Variants in SMARCC1 observed in about 807,000 individuals in gnomAD.
SMARCC1 encodes the protein SWI/SNF related BAF chromatin remodeling complex subunit C1, also known as SWI/SNF complex subunit SMARCC1.
SMARCC1 carries 43 observed loss-of-function variants against 147.4 expected under a neutral mutation model. That is an observed-to-expected ratio of 0.29 (90% confidence interval 0.23 to 0.38). SMARCC1 has a LOEUF of 0.38. Ranked by LOEUF, SMARCC1 falls within the 10% of genes least tolerant of loss-of-function variation. The pLI is 1.00. For missense variants in SMARCC1, 1,119 were observed against 1,381.1 expected, an observed-to-expected ratio of 0.81 and a Z score of 3.01; for synonymous variants, 495 against 484.4, an observed-to-expected ratio of 1.02 and a Z score of -0.29.
chr3:47,664,071 G>C (rs958347629), intron 19 of SMARCC1: 4 of 453,802 alleles, frequency 8.8e-6, no homozygotes, highest in Non-Finnish European at 1.5e-5. Context: ...GACCCTTTGC[G>C]TAACTGTAAC....
intron 1 of SMARCC1, among the ~76,000 whole-genome samples, chr3:47,773,790 C>G (rs776428668): frequency 2.6e-4 from 39 of 151,802 alleles, no homozygotes; most frequent in Non-Finnish European, 5.0e-4. Context: ...ACCACCATGC[C>G]CGGCTAATTT....
chr3:47,654,934 A>G (rs916339886), intron 21 of SMARCC1, among the ~76,000 whole-genome samples: 1 of 152,230 alleles, frequency 6.6e-6, no homozygotes, highest in African/African-American at 2.4e-5. Flanking sequence ...TTTGGTGAGG[A>G]CAAAGAAACC....
At chr3:47,712,097 T>A (rs890337541) in intron 8 of SMARCC1, among the ~76,000 whole-genome samples, 1 of 152,122 alleles carries the variant, frequency 6.6e-6, no homozygotes, top group Non-Finnish European at 1.5e-5. Context: ...GTTAAGGTGG[T>A]GGCACATGCC....
In SMARCC1 at chr3:47,781,873, C is replaced by A; in HGVS notation, c.-76G>T. ...TTTCCCGGTCGTTCCCGCGCGCACC[C>A]CCGCGCGCGTAGCCGCCACTGCCGC... On this transcript the variant is annotated 5_prime_UTR_variant, in exon 1 of 28. Transcript: ENST00000254480. 9.6e-7 allele frequency: 1 copy of A among 1,044,104 alleles called. No individual in the cohort carries two copies. The highest frequency in any genetic ancestry group is 3.2e-4 in the Middle Eastern group (1 of 3,120). The allele number at this position is 1,044,104 out of a possible 1,614,324, so 64.7% of individuals were successfully genotyped here. A position where few individuals can be genotyped will look rare whatever the true frequency, so the allele number is the denominator to read the frequency against.
intron 11 of SMARCC1, among the ~76,000 whole-genome samples, chr3:47,699,609 T>A (rs956093161): frequency 2.6e-5 from 4 of 152,066 alleles, no homozygotes; most frequent in Admixed American, 2.6e-4. Flanking sequence ...TGTATATTGC[T>A]CTATATGTCT....
rs191409474 is a variant in SMARCC1, at chr3:47,764,978, G to A, written c.315+7839C>T. On this transcript the variant is annotated intron_variant, in intron 2 of 27. Transcript: ENST00000254480. ...ATAAAGAAAAGCAAGGAGGCCAGGC[G>A]CGGTGGCTCACGCCTGTAATCCCAG... Among the ~76,000 whole-genome samples the A allele has an allele frequency of 4.2e-3, 635 of 152,280 alleles. 7 individuals are homozygous for A. Among genetic ancestry groups the A allele is most frequent in the African/African-American group, 0.015 (611 of 41,556 alleles).
chr3:47,760,084 C>T (rs1393968717), intron 2 of SMARCC1, among the ~76,000 whole-genome samples: 2 of 152,148 alleles, frequency 1.3e-5, no homozygotes, highest in African/African-American at 4.8e-5. Flanking sequence ...GAGGCCGAGA[C>T]GGGCAGATCA....
chr3:47,683,799 G>A (rs1243747111), intron 14 of SMARCC1, among the ~76,000 whole-genome samples: 2 of 151,998 alleles, frequency 1.3e-5, no homozygotes, highest in Admixed American at 6.6e-5. Flanking sequence ...TCCTGTAAAG[G>A]TACCTTAAAG....
At chr3:47,668,765 G>A (rs1326295364) in intron 19 of SMARCC1, among the ~76,000 whole-genome samples, 1 of 151,982 alleles carries the variant, frequency 6.6e-6, no homozygotes, top group African/African-American at 2.4e-5. Context: ...CACACCTGTA[G>A]TCCCAGCTAC....
chr3:47,680,955 T>C (rs968604406), intron 14 of SMARCC1, among the ~76,000 whole-genome samples: 2 of 152,238 alleles, frequency 1.3e-5, no homozygotes, highest in South Asian at 2.1e-4. Context: ...CTAGTTTCTA[T>C]GTATTAACAG....
intron 21 of SMARCC1, among the ~76,000 whole-genome samples, chr3:47,650,298 A>ATT (rs1553679570): frequency 0.047 from 6,558 of 140,916 alleles, 186 homozygotes; most frequent in Middle Eastern, 0.08. Context: ...TAATAATAAT[A>ATT]ATTATTATTA....
chr3:47,671,249 C>CCATAACTA (rs1047324578), intron 18 of SMARCC1, among the ~76,000 whole-genome samples: 3 of 149,870 alleles, frequency 2.0e-5, no homozygotes, highest in Non-Finnish European at 4.4e-5. Flanking sequence ...AAACAAGGAC[C>CCATAACTA]CATAACTATT....
intron 7 of SMARCC1, among the ~76,000 whole-genome samples, chr3:47,715,293 C>T (rs543392135): frequency 6.6e-6 from 1 of 152,250 alleles, no homozygotes; most frequent in East Asian, 1.9e-4. Context: ...ACAAGCATTC[C>T]AAACCTAACA....
intron 6 of SMARCC1, among the ~76,000 whole-genome samples, chr3:47,722,255 T>C (rs1291940428): frequency 6.6e-6 from 1 of 151,822 alleles, no homozygotes; most frequent in African/African-American, 2.4e-5. Context: ...AGAAAAGGTA[T>C]CTTTCCTAAC....
chr3:47,604,681 G>T, intron 26 of SMARCC1: 1 of 143,814 alleles, frequency 7.0e-6, no homozygotes, highest in Non-Finnish European at 1.5e-5. Context: ...AAAATAGTGG[G>T]TTTAATTTAC....
intron 11 of SMARCC1, among the ~76,000 whole-genome samples, chr3:47,698,045 T>TAAAAA (rs2033875145): frequency 9.1e-6 from 1 of 110,068 alleles, no homozygotes; most frequent in Non-Finnish European, 1.9e-5. Context: ...ATAAATATCC[T>TAAAAA]CCACAAATAC....
chr3:47,671,240 A>C (rs2033498676), intron 18 of SMARCC1, among the ~76,000 whole-genome samples: 1 of 151,072 alleles, frequency 6.6e-6, no homozygotes. Flanking sequence ...CCTGCTGTCA[A>C]ACAAGGACCC....
chr3:47,659,452 A>G (rs891128482), intron 21 of SMARCC1, among the ~76,000 whole-genome samples: 1 of 152,012 alleles, frequency 6.6e-6, no homozygotes, highest in African/African-American at 2.4e-5. Context: ...ATCTGATAGC[A>G]TGTTAAATGG....
intron 26 of SMARCC1, among the ~76,000 whole-genome samples, chr3:47,595,066 T>C (rs2032249963): frequency 6.6e-6 from 1 of 151,852 alleles, no homozygotes; most frequent in Non-Finnish European, 1.5e-5. Flanking sequence ...TCCTGGAGAG[T>C]CACCGGTTCT....
Sources: gnomAD v4.1 joint callset for allele counts (sites outside exome capture counted in the v4.1 genomes callset) on GRCh38, gnomAD v4.1.1 for gene constraint, MANE v1.5 for transcripts, NCBI Gene and HGNC (gene_info 2026-07-23, HGNC 2026-07-21) for gene names.